Variants in SUGCT observed in about 807,000 individuals in gnomAD.
SUGCT encodes succinyl-CoA:glutarate-CoA transferase.
In SUGCT, 41 loss-of-function variants were observed where a neutral mutation model predicts 55.0. The observed-to-expected ratio is 0.74, with a 90% CI of 0.58 to 0.97. The LOEUF is 0.97. Among genes scored for constraint, SUGCT ranks in the 50% least tolerant of loss-of-function variants. SUGCT has a pLI of 0.00. For synonymous variants in SUGCT, 187 were observed against 200.4 expected (o/e 0.93, Z 0.56); for missense variants, 568 against 547.8 (o/e 1.04, Z -0.37).
intron 12 of SUGCT, among the ~76,000 whole-genome samples, chr7:40,689,447 G>A (rs1342247452): frequency 1.3e-5 from 2 of 152,180 alleles, no homozygotes; most frequent in South Asian, 4.1e-4. Context: ...GAGGATTATC[G>A]TGGGTAATTT....
At chr7:40,472,877 A>G (rs1305788646) in intron 11 of SUGCT, among the ~76,000 whole-genome samples, 1 of 152,174 alleles carries the variant, frequency 6.6e-6, no homozygotes, top group Non-Finnish European at 1.5e-5. Flanking sequence ...TGCCACATGT[A>G]TCTGAGTATT....
intron 12 of SUGCT, among the ~76,000 whole-genome samples, chr7:40,503,474 G>A (rs376981881): frequency 6.6e-6 from 1 of 151,934 alleles, no homozygotes; most frequent in African/African-American, 2.4e-5. Flanking sequence ...CAATAATGGG[G>A]CTAGCAAAAA....
intron 13 of SUGCT, among the ~76,000 whole-genome samples, chr7:40,851,264 C>T (rs1340840911): frequency 6.6e-6 from 1 of 152,188 alleles, no homozygotes; most frequent in Non-Finnish European, 1.5e-5. Flanking sequence ...ATTTCTTAAC[C>T]TCTCTGAGCT....
chr7:40,182,054 A>T, intron 3 of SUGCT, 26 bp downstream of exon 3: 1 of 1,324,026 alleles, frequency 7.6e-7, no homozygotes, highest in Non-Finnish European at 1.1e-6. Context: ...CCTTTAAAAA[A>T]TAGAAACAAG....
chr7:41,014,982 C>T, the SUGCT span, among the ~76,000 whole-genome samples: 96 of 152,212 alleles, frequency 6.3e-4, no homozygotes, highest in Non-Finnish European at 1.0e-3. Context: ...CAATAAATTA[C>T]CTGAGAATTA....
At chr7:40,909,308 C>T in the SUGCT span, among the ~76,000 whole-genome samples, 1 of 152,142 alleles carries the variant, frequency 6.6e-6, no homozygotes, top group African/African-American at 2.4e-5. Flanking sequence ...GCTGGACACT[C>T]GATGTTTGGT....
At chr7:41,004,642 G>T in the SUGCT span, among the ~76,000 whole-genome samples, 1 of 152,212 alleles carries the variant, frequency 6.6e-6, no homozygotes, top group African/African-American at 2.4e-5. Flanking sequence ...GGCTATGGAA[G>T]ACAAGAGCTA....
rs1406822688 is a variant in SUGCT at position 40,279,955 on chromosome 7, G to A, written c.720+5299G>A. ...AGAATGAATACAATTTCATGCAGTA[G>A]TAAAAAACACATTTTCCTACTCATT... is the stretch of plus-strand genomic sequence containing the variant. On this transcript the variant is annotated intron_variant, in intron 8 of 13. Transcript: ENST00000335693. Among the ~76,000 whole-genome samples the A allele has an allele frequency of 2.0e-5, 3 of 152,048 alleles. No individual in the cohort carries two copies. In the East Asian group the frequency reaches 5.8e-4, roughly 29 times the overall value.
intron 12 of SUGCT, among the ~76,000 whole-genome samples, chr7:40,607,020 A>C (rs183616950): frequency 1.7e-3 from 263 of 152,238 alleles, no homozygotes; most frequent in Admixed American, 4.8e-3. Context: ...GAATGTAGAG[A>C]TCATGTTGTA....
At chr7:40,692,060 G>A (rs916844986) in intron 12 of SUGCT, among the ~76,000 whole-genome samples, 2 of 152,034 alleles carry the variant, frequency 1.3e-5, no homozygotes, top group South Asian at 2.1e-4. Context: ...GTGCTGTTTC[G>A]CTGTATCACC....
chr7:40,504,649 G>A (rs969426793), intron 12 of SUGCT, among the ~76,000 whole-genome samples: 6 of 152,206 alleles, frequency 3.9e-5, no homozygotes, highest in South Asian at 2.1e-4. Flanking sequence ...GGCCAGGCTG[G>A]TCTCGAACTC....
At chr7:40,289,329 T>C (rs1793574371) in intron 8 of SUGCT, among the ~76,000 whole-genome samples, 1 of 152,212 alleles carries the variant, frequency 6.6e-6, no homozygotes, top group Admixed American at 6.5e-5. Flanking sequence ...CTTGAAACCA[T>C]GGTTAGTACC....
chr7:40,399,629 C>T (rs942962032), intron 9 of SUGCT, among the ~76,000 whole-genome samples: 2 of 152,144 alleles, frequency 1.3e-5, no homozygotes, highest in Non-Finnish European at 1.5e-5. Flanking sequence ...TCTTATTAGC[C>T]TGATTTGGTT....
At chr7:40,958,513 G>T in the SUGCT span, among the ~76,000 whole-genome samples, 1 of 151,242 alleles carries the variant, frequency 6.6e-6, no homozygotes, top group Admixed American at 6.6e-5. Flanking sequence ...ACCTCCATCA[G>T]GTCATTTATG....
chr7:40,289,540 C>A (rs1263051319), intron 8 of SUGCT, among the ~76,000 whole-genome samples: 2 of 152,030 alleles, frequency 1.3e-5, no homozygotes. Context: ...AAACCCACAG[C>A]CAATATCATA....
At position 40,193,280 on chromosome 7, in the gene SUGCT, G is replaced by GGT. The variant is rs1554286577; in HGVS notation, c.364-1660_364-1659insGT. 1.3e-3 allele frequency among the ~76,000 whole-genome samples: 109 copies of GGT among 87,158 alleles called. 14 individuals are homozygous for GGT. The highest frequency in any genetic ancestry group is 1.8e-3 in the Admixed American group (12 of 6,528). The allele number at this position is 87,158 out of a possible 152,430, so 57.2% of individuals were successfully genotyped here. On this transcript the variant is annotated intron_variant, in intron 5 of 13. Coordinates refer to ENST00000335693, the MANE Select transcript of SUGCT (RefSeq NM_001193313.2). ...GCTATTTGGCCTGGCCAATTACTGT[G>GGT]TTTTTTTTTTTTTTTTTTTTTTGAG...
At chr7:41,012,813 A>C in the SUGCT span, among the ~76,000 whole-genome samples, 1 of 152,164 alleles carries the variant, frequency 6.6e-6, no homozygotes, top group South Asian at 2.1e-4. Flanking sequence ...TCAGAAAATT[A>C]TGGTGATAAT....
chr7:40,905,970 C>T, the SUGCT span, among the ~76,000 whole-genome samples: 51 of 152,192 alleles, frequency 3.4e-4, no homozygotes, highest in Middle Eastern at 3.4e-3. Context: ...TTTGCACTTC[C>T]GCCTTGGCCT....
At chr7:40,399,231 T>C (rs1785927368) in intron 9 of SUGCT, among the ~76,000 whole-genome samples, 1 of 152,072 alleles carries the variant, frequency 6.6e-6, no homozygotes, top group African/African-American at 2.4e-5. Flanking sequence ...TGAAGGTAGA[T>C]TTTGATTTAA....
Sources: allele counts gnomAD v4.1 joint callset (sites outside exome capture counted in the v4.1 genomes callset), GRCh38; gene constraint gnomAD v4.1.1; transcripts MANE v1.5; gene names NCBI Gene and HGNC (gene_info 2026-07-23, HGNC 2026-07-21).